The following TPTE2 variants were observed in gnomAD, a reference collection of about 807,000 sequenced individuals.
The protein encoded by TPTE2 is transmembrane phosphoinositide 3-phosphatase and tensin homolog 2, also known as phosphatidylinositol 3,4,5-trisphosphate 3-phosphatase TPTE2.
Under a neutral mutation model 78.6 loss-of-function variants are expected in TPTE2, and 53 were observed. That is an observed-to-expected ratio of 0.67 (90% confidence interval 0.54 to 0.85). TPTE2 has a LOEUF of 0.85. TPTE2 is among the 40% of genes least tolerant of loss of function. The pLI, the probability that TPTE2 is intolerant of heterozygous loss-of-function variation, is 0.00. For synonymous variants in TPTE2, 175 were observed against 206.2 expected (o/e 0.85, Z 1.30); for missense variants, 461 against 623.0 (o/e 0.74, Z 2.77).
At chr13:19,428,325 G>A (rs539059304) in intron 17 of TPTE2, among the ~76,000 whole-genome samples, 1 of 152,226 alleles carries the variant, frequency 6.6e-6, no homozygotes, top group Admixed American at 6.5e-5. Flanking sequence ...GCACATGCCT[G>A]TAATCCCAGC....
At chr13:19,475,177 T>C (rs1879858015) in intron 5 of TPTE2, among the ~76,000 whole-genome samples, 1 of 152,186 alleles carries the variant, frequency 6.6e-6, no homozygotes, top group South Asian at 2.1e-4. Flanking sequence ...ATTGAAGTAT[T>C]AAGTCTCATA....
At chr13:19,561,408 C>T in the TPTE2 span, 2 of 439,168 alleles carry the variant, frequency 4.6e-6, no homozygotes, top group East Asian at 7.0e-5. Flanking sequence ...CGGGGCGCCG[C>T]GCCCCGCCCC....
At chr13:19,430,584 T>C (rs1358586803) in intron 16 of TPTE2, 37 bp from the exon 20 acceptor site, 2 of 1,511,090 alleles carry the variant, frequency 1.3e-6, no homozygotes, top group South Asian at 1.2e-5. Context: ...GTTAGGTTGG[T>C]TAGCATGAAG....
intron 1 of TPTE2, among the ~76,000 whole-genome samples, chr13:19,536,125 T>G (rs1314159588): frequency 6.6e-6 from 1 of 152,142 alleles, no homozygotes; most frequent in Non-Finnish European, 1.5e-5. Context: ...ATATGGATGG[T>G]CTTTTCATTC....
At chr13:19,543,800 C>A in the TPTE2 span, among the ~76,000 whole-genome samples, 10 of 152,064 alleles carry the variant, frequency 6.6e-5, no homozygotes, top group African/African-American at 1.9e-4. Flanking sequence ...CCATGGCTCA[C>A]ACCTATAATC....
intron 10 of TPTE2, among the ~76,000 whole-genome samples, chr13:19,456,652 G>A (rs1157739982): frequency 1.2e-4 from 19 of 152,054 alleles, no homozygotes; most frequent in Admixed American, 1.2e-3. Flanking sequence ...AATCAAAGAA[G>A]ACATCAGTAG....
At chr13:19,460,292 G>T (rs1765526384) in intron 10 of TPTE2, among the ~76,000 whole-genome samples, 1 of 152,230 alleles carries the variant, frequency 6.6e-6, no homozygotes, top group African/African-American at 2.4e-5. Flanking sequence ...GCTTCCCTTG[G>T]CTGGGAGTCG....
At chr13:19,430,724 T>C (rs372878676) in intron 16 of TPTE2, among the ~76,000 whole-genome samples, 177 bp from the exon 20 acceptor site, 1 of 152,234 alleles carries the variant, frequency 6.6e-6, no homozygotes, top group Non-Finnish European at 1.5e-5. Flanking sequence ...TTCAAGCCCA[T>C]TTCTGTCTCC....
chr13:19,524,915 A>G (rs370852441), intron 1 of TPTE2, among the ~76,000 whole-genome samples: 28 of 152,366 alleles, frequency 1.8e-4, no homozygotes, highest in African/African-American at 6.7e-4. Flanking sequence ...ACAAATGTAG[A>G]GCAGGGAGTA....
At position 19,451,236 on chromosome 13, in the gene TPTE2, C is replaced by T. The variant is rs761663118; in HGVS notation, c.742-11G>A. ...AAACCGCACAACTTCCTAAAAAAGA[C>T]AAACACATATCTTACATATTTACAT... On this transcript the variant is annotated splice_polypyrimidine_tract_variant and intron_variant, in intron 10 of 19. Transcript: ENST00000400230. 1 of 1,613,226 alleles carries T rather than the reference C, an allele frequency of 6.2e-7. No individual in the cohort carries two copies. Among genetic ancestry groups the T allele is most frequent in the African/African-American group, 1.3e-5 (1 of 75,002 alleles).
At chr13:19,453,000 AT>A (rs1368733158) in intron 10 of TPTE2, among the ~76,000 whole-genome samples, 2,279 of 74,550 alleles carry the variant, frequency 0.031, 38 homozygotes, top group East Asian at 0.13. Flanking sequence ...ATTTTATTTT[AT>A]TTTATTTTAT....
rs1361381074 is a variant in TPTE2, at chr13:19,423,172, T to G, written c.1467-8A>C. 6.3e-7 allele frequency: 1 copy of G among 1,582,384 alleles called. No homozygotes were observed. Among genetic ancestry groups the G allele is most frequent in the Non-Finnish European group, 8.6e-7 (1 of 1,166,686 alleles). On this transcript the variant is annotated splice_polypyrimidine_tract_variant and splice_region_variant and intron_variant, in intron 19 of 19. Transcript: ENST00000400230. ...TTTCTTGGTAGACAAAGCCTAAGAA[T>G]AGAAAAAAAAAATTACATTTTATAT...
chr13:19,480,497 T>C (rs1033524068), intron 4 of TPTE2, among the ~76,000 whole-genome samples: 20 of 152,124 alleles, frequency 1.3e-4, no homozygotes, highest in Admixed American at 1.3e-4. Context: ...AGAATAACAT[T>C]AAAGGCAAAA....
the TPTE2 span, among the ~76,000 whole-genome samples, chr13:19,555,294 A>G: frequency 2.9e-3 from 435 of 152,316 alleles, 3 homozygotes; most frequent in African/African-American, 0.01. Context: ...AGTAGGGCCT[A>G]TGACTGTATC....
At chr13:19,547,040 C>A in the TPTE2 span, among the ~76,000 whole-genome samples, 1 of 151,716 alleles carries the variant, frequency 6.6e-6, no homozygotes, top group Non-Finnish European at 1.5e-5. Flanking sequence ...CAAGGATAGC[C>A]CTCCTGAAAC....
At chr13:19,540,311 G>GTATTATTATT (rs1566083225), upstream of TPTE2, among the ~76,000 whole-genome samples, 4 of 47,254 alleles carry the variant, frequency 8.5e-5, no homozygotes, top group Non-Finnish European at 2.5e-4. Flanking sequence ...TATTATTATG[G>GTATTATTATT]TTTTTTTTAA....
chr13:19,474,342 G>A (rs981889933), intron 5 of TPTE2, among the ~76,000 whole-genome samples: 2 of 152,126 alleles, frequency 1.3e-5, no homozygotes, highest in African/African-American at 2.4e-5. Context: ...TTTTATAGTA[G>A]ACACATCAGA....
At chr13:19,528,342 G>A (rs952889707) in intron 1 of TPTE2, among the ~76,000 whole-genome samples, 11 of 151,132 alleles carry the variant, frequency 7.3e-5, no homozygotes, top group Admixed American at 4.0e-4. Flanking sequence ...AGCTGAGATT[G>A]CATGACTGCA....
In TPTE2 at chr13:19,465,672, C is replaced by T. The variant is rs1879226754; in HGVS notation, c.513-108G>A. 6 of 874,884 alleles carry T rather than the reference C, an allele frequency of 6.9e-6. No homozygotes were observed. The South Asian group carries it at 1.1e-4, about 16-fold the overall frequency. The allele number at this position is 874,884 out of a possible 1,614,324, so 54.2% of individuals were successfully genotyped here. A position where few individuals can be genotyped will look rare whatever the true frequency, so the allele number is the denominator to read the frequency against. On this transcript the variant is annotated intron_variant, in intron 7 of 19. Transcript: ENST00000400230. The stretch of plus-strand genomic sequence containing the variant: ...AACCAGAGGCAATTTTCCCTCCTCT[C>T]CCCAATTACCTACCTGGGGGATATT...
Sources: allele counts gnomAD v4.1 joint callset (sites outside exome capture counted in the v4.1 genomes callset), GRCh38; gene constraint gnomAD v4.1.1; transcripts MANE v1.5; gene names NCBI Gene and HGNC (gene_info 2026-07-23, HGNC 2026-07-21).